Variants in EDIL3 observed in about 807,000 individuals in gnomAD.
EDIL3 encodes EGF like and discoidin domains 3.
Under a neutral mutation model 67.4 loss-of-function variants are expected in EDIL3, and 37 were observed. The ratio of observed to expected loss-of-function variants is 0.55; its 90% CI spans 0.42 to 0.72. The LOEUF (loss-of-function observed/expected upper bound fraction) is 0.72. Among genes scored for constraint, EDIL3 ranks in the 30% least tolerant of loss-of-function variants. The pLI is 0.00. For missense variants in EDIL3, 527 were observed against 586.3 expected (o/e 0.90, Z 1.04); for synonymous variants, 195 against 196.3 (o/e 0.99, Z 0.05).
In EDIL3 at chr5:84,030,816, C is replaced by T. The variant is rs145064514; in HGVS notation, c.1137+29484G>A. On this transcript the variant is annotated intron_variant, in intron 9 of 10. Coordinates refer to ENST00000296591, the MANE Select transcript of EDIL3 (RefSeq NM_005711.5). Reference sequence around the variant, plus strand: ...CCTTGACCGTTTTCAGATTCTCCCACGTCTTCTGGCTTCAGTACACTTCTG... The same window carrying T: ...CCTTGACCGTTTTCAGATTCTCCCATGTCTTCTGGCTTCAGTACACTTCTG... Among the ~76,000 whole-genome samples, 963 of 152,272 alleles carry T rather than the reference C, an allele frequency of 6.3e-3. 6 individuals carry two copies. The highest frequency in any genetic ancestry group is 0.024 in the Middle Eastern group (7 of 294).
At chr5:84,242,323 A>G (rs1326703658) in intron 2 of EDIL3, among the ~76,000 whole-genome samples, 4 of 152,150 alleles carry the variant, frequency 2.6e-5, no homozygotes, top group African/African-American at 9.7e-5. Flanking sequence ...AGAGAGATTA[A>G]GTAACTTGCT....
intron 5 of EDIL3, among the ~76,000 whole-genome samples, chr5:84,132,262 A>G (rs560944819): frequency 6.6e-5 from 8 of 120,774 alleles, no homozygotes; most frequent in Non-Finnish European, 1.3e-4. Flanking sequence ...AAATATATAT[A>G]TAATATATCT....
chr5:84,336,641 G>A (rs753240639), intron 1 of EDIL3, among the ~76,000 whole-genome samples: 22 of 152,052 alleles, frequency 1.4e-4, no homozygotes, highest in Non-Finnish European at 2.9e-4. Context: ...GGTTGAAGAA[G>A]GTAATCCATA....
At chr5:84,187,463 G>A (rs774578123) in intron 3 of EDIL3, among the ~76,000 whole-genome samples, 2 of 151,958 alleles carry the variant, frequency 1.3e-5, no homozygotes, top group Admixed American at 6.6e-5. Flanking sequence ...ACTAGGCTTT[G>A]GTCAATTTTT....
At position 84,340,563 on chromosome 5, in the gene EDIL3, TATATATATGTTA is replaced by T. The variant is rs1318077114; in HGVS notation, c.67+43733_67+43744del. Among the ~76,000 whole-genome samples the T allele has an allele frequency of 2.2e-4, 30 of 139,068 alleles. 1 individual carries two copies. Among genetic ancestry groups the T allele is most frequent in the Admixed American group, 5.2e-4 (7 of 13,378 alleles). The allele number at this position is 139,068 out of a possible 152,430, so 91.2% of individuals were successfully genotyped here. ...ATATATATATATATATATATATATA[TATATATATGTTA>T]GTCTACATATATATATGTATGTATG... On this transcript the variant is annotated intron_variant, in intron 1 of 10. Transcript: ENST00000296591.
chr5:84,364,071 G>A (rs1747675937), intron 1 of EDIL3, among the ~76,000 whole-genome samples: 2 of 152,206 alleles, frequency 1.3e-5, no homozygotes, highest in South Asian at 4.1e-4. Flanking sequence ...GAAGATTATA[G>A]AAGAAGTGAA....
At chr5:84,055,770 AC>A (rs1224926865) in intron 9 of EDIL3, among the ~76,000 whole-genome samples, 1 of 152,202 alleles carries the variant, frequency 6.6e-6, no homozygotes, top group Non-Finnish European at 1.5e-5. Context: ...ATACCATCTC[AC>A]ACCAGTTAGA....
Position 84,175,568 on chromosome 5 carries a change from C to T in EDIL3, c.355+4825G>A, listed in dbSNP as rs143440237. Reference sequence around the variant, plus strand: ...AGTTTTTAAAGAAGTGTTATTTCCACACTCAACAGTGTCAAGGTCTCAGTG... The same window carrying T: ...AGTTTTTAAAGAAGTGTTATTTCCATACTCAACAGTGTCAAGGTCTCAGTG... On this transcript the variant is annotated intron_variant, in intron 4 of 10. Transcript: ENST00000296591. Among the ~76,000 whole-genome samples, 477 of 152,296 alleles carry T rather than the reference C, an allele frequency of 3.1e-3. 3 individuals carry two copies. Among genetic ancestry groups the T allele is most frequent in the Non-Finnish European group, 5.3e-3 (358 of 68,018 alleles).
intron 4 of EDIL3, among the ~76,000 whole-genome samples, chr5:84,141,551 AT>A (rs1342741828): frequency 6.8e-5 from 10 of 147,502 alleles, no homozygotes; most frequent in Non-Finnish European, 6.0e-5. Context: ...TTTTGTTTTG[AT>A]TTTTTGGTGG....
At chr5:84,050,067 G>A (rs112970322) in intron 9 of EDIL3, among the ~76,000 whole-genome samples, 7,678 of 151,742 alleles carry the variant, frequency 0.051, 655 homozygotes, top group African/African-American at 0.17. Context: ...GCATGGTGGC[G>A]CACGCCTGTA....
At chr5:83,996,904 G>C (rs1394368469) in intron 9 of EDIL3, among the ~76,000 whole-genome samples, 1 of 152,182 alleles carries the variant, frequency 6.6e-6, no homozygotes, top group Non-Finnish European at 1.5e-5. Flanking sequence ...ATTTTAACCA[G>C]ATCTCTAGGT....
chr5:83,974,392 G>T (rs1293184116), intron 9 of EDIL3, among the ~76,000 whole-genome samples: 2 of 151,766 alleles, frequency 1.3e-5, no homozygotes, highest in Non-Finnish European at 2.9e-5. Flanking sequence ...AGAAGAGGGA[G>T]ATGACTCAGC....
chr5:84,162,731 G>A (rs1409256388), intron 4 of EDIL3, among the ~76,000 whole-genome samples: 1 of 151,892 alleles, frequency 6.6e-6, no homozygotes, highest in Admixed American at 6.6e-5. Context: ...TCCACATCTG[G>A]CCCACAGGAA....
At chr5:84,361,302 C>T (rs1410858735) in intron 1 of EDIL3, among the ~76,000 whole-genome samples, 1 of 151,242 alleles carries the variant, frequency 6.6e-6, no homozygotes, top group Non-Finnish European at 1.5e-5. Flanking sequence ...CACACACACA[C>T]ACTTCAGATT....
In EDIL3 at chr5:84,206,687, G is replaced by A. The variant is rs929683003; in HGVS notation, c.226+23168C>T. Among the ~76,000 whole-genome samples the A allele has an allele frequency of 2.8e-4, 43 of 151,912 alleles. 1 individual carries two copies. Among genetic ancestry groups the A allele is most frequent in the Non-Finnish European group, 1.8e-4 (12 of 67,988 alleles). ...ACCGAATCCAGCAGCACATCAAAAAGTTTATCCACCATGATCAAGTGGGCT... is the reference window on the plus strand; with the variant it reads ...ACCGAATCCAGCAGCACATCAAAAAATTTATCCACCATGATCAAGTGGGCT... On this transcript the variant is annotated intron_variant, in intron 3 of 10. Coordinates refer to ENST00000296591, the MANE Select transcript of EDIL3 (RefSeq NM_005711.5).
chr5:83,961,224 A>C (rs1744601903), intron 10 of EDIL3, among the ~76,000 whole-genome samples: 1 of 151,056 alleles, frequency 6.6e-6, no homozygotes, highest in Non-Finnish European at 1.5e-5. Context: ...AAAATACATC[A>C]AGCAAACACT....
intron 2 of EDIL3, among the ~76,000 whole-genome samples, chr5:84,250,351 A>G (rs1292067241): frequency 6.6e-6 from 1 of 152,238 alleles, no homozygotes; most frequent in Admixed American, 6.5e-5. Context: ...AGAATGCAGT[A>G]TACAGAAATA....
chr5:84,189,023 T>C (rs556845483), intron 3 of EDIL3, among the ~76,000 whole-genome samples: 104 of 152,044 alleles, frequency 6.8e-4, no homozygotes, highest in Non-Finnish European at 1.3e-3. Flanking sequence ...GGTTCCTGTG[T>C]AGTTGTTTTG....
chr5:84,094,229 T>G (rs191732940), intron 6 of EDIL3, among the ~76,000 whole-genome samples: 9 of 152,296 alleles, frequency 5.9e-5, no homozygotes, highest in Admixed American at 5.9e-4. Context: ...CAACTATGTA[T>G]GAAAAACTCA....
Sources: gnomAD v4.1 joint callset for allele counts (sites outside exome capture counted in the v4.1 genomes callset) on GRCh38, gnomAD v4.1.1 for gene constraint, MANE v1.5 for transcripts, NCBI Gene and HGNC (gene_info 2026-07-23, HGNC 2026-07-21) for gene names.